DERA: variants seen among roughly 807,000 people sequenced by gnomAD.
The protein encoded by DERA is deoxyribose-phosphate aldolase.
In DERA, 15 loss-of-function variants were observed where a neutral mutation model predicts 41.1. The observed-to-expected ratio is 0.37, with a 90% CI of 0.24 to 0.56. The LOEUF is 0.56. Among genes scored for constraint, DERA ranks in the 20% least tolerant of loss-of-function variants. The pLI, the probability that DERA is intolerant of heterozygous loss-of-function variation, is 0.81. For synonymous variants in DERA, 139 were observed against 137.4 expected (o/e 1.01, Z -0.08); for missense variants, 396 against 403.4 (o/e 0.98, Z 0.16).
Position 15,967,425 on chromosome 12 carries a change from C to G in DERA, c.508+4478C>G, listed in dbSNP as rs2136152791. On this transcript the variant is annotated intron_variant, in intron 5 of 8. Transcript: ENST00000428559. This position sits in a 1 kb window ranked among gnomAD's most constrained non-coding sequence, Gnocchi z 4.9. ...CAAGAGAGTGAGACCCTGTCTCAAA[C>G]AAACAAACAAACAAACAAAAACTAT... is the stretch of plus-strand genomic sequence containing the variant. 6.6e-6 allele frequency among the ~76,000 whole-genome samples: 1 copy of G among 151,924 alleles called. No homozygotes were observed. The highest frequency in any genetic ancestry group is 2.4e-5 in the African/African-American group (1 of 41,290).
rs1336014989 is a variant in DERA at position 15,965,214 on chromosome 12, T to G, written c.508+2267T>G. Among the ~76,000 whole-genome samples, 2 of 152,172 alleles carry G rather than the reference T, an allele frequency of 1.3e-5. No homozygotes were observed. The highest frequency in any genetic ancestry group is 2.9e-5 in the Non-Finnish European group (2 of 68,032). The stretch of plus-strand genomic sequence containing the variant: ...GTGGATGGAAATGTCTATCAAGCAA[T>G]TGCAGTTTTAAATCCAGGGCCCTCT... On this transcript the variant is annotated intron_variant, in intron 5 of 8. Coordinates refer to ENST00000428559, the MANE Select transcript of DERA (RefSeq NM_015954.4). The surrounding 1 kb of genome is among the most constrained non-coding windows in gnomAD (Gnocchi z 4.1).
chr12:15,959,801 G>C lies in DERA; in HGVS notation c.278-28G>C, dbSNP rs1258250464. ...TTGTATGAGTTGAACTTCATTGAAA[G>C]TTGGCTATTCCTATTTTTTCTTGAT... On this transcript the variant is annotated intron_variant, in intron 3 of 8. Coordinates refer to ENST00000428559, the MANE Select transcript of DERA (RefSeq NM_015954.4). This position sits in a 1 kb window ranked among gnomAD's most constrained non-coding sequence, Gnocchi z 4.5. 6.7e-7 allele frequency: 1 copy of C among 1,484,578 alleles called. No homozygotes were observed. The highest frequency in any genetic ancestry group is 2.5e-5 in the East Asian group (1 of 40,296). The allele number at this position is 1,484,578 out of a possible 1,614,324, so 92.0% of individuals were successfully genotyped here.
In DERA at chr12:15,959,223, G is replaced by T. The variant is rs1024073054; in HGVS notation, c.278-606G>T. ...CCATAAAAATATCACCTTATTTATT[G>T]CACTTAAAGGTAACAACTTGATGTA... On this transcript the variant is annotated intron_variant, in intron 3 of 8. Coordinates refer to ENST00000428559, the MANE Select transcript of DERA (RefSeq NM_015954.4). This position sits in a 1 kb window ranked among gnomAD's most constrained non-coding sequence, Gnocchi z 4.5. 8.6e-5 allele frequency among the ~76,000 whole-genome samples: 13 copies of T among 151,980 alleles called. No individual in the cohort carries two copies. Among genetic ancestry groups the T allele is most frequent in the African/African-American group, 3.1e-4 (13 of 41,350 alleles).
At chr12:15,923,132 C>T (rs1357074517) in intron 1 of DERA, among the ~76,000 whole-genome samples, 2 of 147,728 alleles carry the variant, frequency 1.4e-5, no homozygotes, top group Non-Finnish European at 3.0e-5. Context: ...ACGCCATTCT[C>T]CTGCCTCAGC....
chr12:15,912,256 A>T (rs1948169948), intron 1 of DERA, among the ~76,000 whole-genome samples: 2 of 152,066 alleles, frequency 1.3e-5, no homozygotes, highest in African/African-American at 4.8e-5. Flanking sequence ...CTGTTTAACA[A>T]AGCACATCTT....
At chr12:16,007,863 T>C (rs1353425778) in intron 6 of DERA, among the ~76,000 whole-genome samples, 1 of 152,164 alleles carries the variant, frequency 6.6e-6, no homozygotes, top group Admixed American at 6.5e-5. Flanking sequence ...TGTTTTGTTT[T>C]GTTTTGTGAC....
rs576459932 is a variant in DERA, at chr12:15,994,516, C to T, written c.637+12080C>T. Among the ~76,000 whole-genome samples, 9 of 152,284 alleles carry T rather than the reference C, an allele frequency of 5.9e-5. No individual in the cohort carries two copies. Among genetic ancestry groups the T allele is most frequent in the South Asian group, 2.1e-4 (1 of 4,822 alleles). On this transcript the variant is annotated intron_variant, in intron 6 of 8. Coordinates refer to ENST00000428559, the MANE Select transcript of DERA (RefSeq NM_015954.4). The surrounding 1 kb of genome is among the most constrained non-coding windows in gnomAD (Gnocchi z 4.8). Reference sequence around the variant, plus strand: ...TCGCCCAGGCTGGAGTGCAGTGGCGCGATCTCTGCTCACTGCAAGCTCTGC... The same window carrying T: ...TCGCCCAGGCTGGAGTGCAGTGGCGTGATCTCTGCTCACTGCAAGCTCTGC...
In DERA at chr12:15,988,794, C is replaced by T. The variant is rs959250365; in HGVS notation, c.637+6358C>T. ...ACCACCATCATCATGTTGTCCACGG[C>T]ACCCAGGCTATTCACACTGAGGGGC... On this transcript the variant is annotated intron_variant, in intron 6 of 8. Coordinates refer to ENST00000428559, the MANE Select transcript of DERA (RefSeq NM_015954.4). The surrounding 1 kb of genome is among the most constrained non-coding windows in gnomAD (Gnocchi z 6.0). Among the ~76,000 whole-genome samples the T allele has an allele frequency of 1.3e-5, 2 of 152,194 alleles. No homozygotes were observed. The highest frequency in any genetic ancestry group is 2.9e-5 in the Non-Finnish European group (2 of 68,032).
chr12:15,952,712 G>C (rs767644725), intron 1 of DERA, among the ~76,000 whole-genome samples: 1 of 152,118 alleles, frequency 6.6e-6, no homozygotes, highest in Non-Finnish European at 1.5e-5. Flanking sequence ...AGCACATTTC[G>C]ATTTGGACTA....
intron 1 of DERA, among the ~76,000 whole-genome samples, chr12:15,917,433 T>C (rs1042392420): frequency 2.6e-5 from 4 of 152,224 alleles, no homozygotes. Context: ...TTTTTCTCTT[T>C]AATATTTAAT....
intron 5 of DERA, among the ~76,000 whole-genome samples, chr12:15,971,097 C>T (rs1948656446): frequency 6.6e-6 from 1 of 152,204 alleles, no homozygotes. Context: ...TGTGACAATT[C>T]TCCAGAGACT....
intron 6 of DERA, among the ~76,000 whole-genome samples, chr12:16,007,094 T>C (rs1002453240): frequency 1.3e-5 from 2 of 152,052 alleles, no homozygotes; most frequent in Non-Finnish European, 2.9e-5. Context: ...TTTATACAAA[T>C]AGGCAATTGC....
rs12306967 is a variant in DERA at position 15,912,667 on chromosome 12, A to G, written c.31+1253A>G. 2.2e-3 allele frequency among the ~76,000 whole-genome samples: 328 copies of G among 152,306 alleles called. 1 individual carries two copies. The highest frequency in any genetic ancestry group is 7.5e-3 in the African/African-American group (310 of 41,556). On this transcript the variant is annotated intron_variant, in intron 1 of 8. Transcript: ENST00000428559. The stretch of plus-strand genomic sequence containing the variant: ...TGGACACCTAGTAAGTCTTCAGTAT[A>G]GATAGTATTAGTATATGGAGTTATG...
intron 1 of DERA, among the ~76,000 whole-genome samples, chr12:15,948,806 T>C (rs1384881250): frequency 6.6e-6 from 1 of 152,228 alleles, no homozygotes; most frequent in Non-Finnish European, 1.5e-5. Flanking sequence ...TTTTCTGCTC[T>C]GTTTTTCCCC....
At position 15,959,245 on chromosome 12, in the gene DERA, T is replaced by G. The variant is rs558233658; in HGVS notation, c.278-584T>G. 6.6e-6 allele frequency among the ~76,000 whole-genome samples: 1 copy of G among 152,352 alleles called. No individual in the cohort carries two copies. Among genetic ancestry groups the G allele is most frequent in the East Asian group, 1.9e-4 (1 of 5,194 alleles). On this transcript the variant is annotated intron_variant, in intron 3 of 8. Transcript: ENST00000428559. The surrounding 1 kb of genome is among the most constrained non-coding windows in gnomAD (Gnocchi z 4.5). ...ATTGCACTTAAAGGTAACAACTTGA[T>G]GTAAGGTCTTATGATATTGCTTTGT...
Position 15,989,579 on chromosome 12 carries a change from A to G in DERA, c.637+7143A>G, listed in dbSNP as rs1445338948. Among the ~76,000 whole-genome samples the G allele has an allele frequency of 6.6e-6, 1 of 152,016 alleles. No individual in the cohort carries two copies. Among genetic ancestry groups the G allele is most frequent in the Non-Finnish European group, 1.5e-5 (1 of 68,000 alleles). ...TGAGCTTTTAATTTTTTAGTGCCTGAGTTTTATTGTTATTTATAGCAGGAG... is the reference window on the plus strand; with the variant it reads ...TGAGCTTTTAATTTTTTAGTGCCTGGGTTTTATTGTTATTTATAGCAGGAG... On this transcript the variant is annotated intron_variant, in intron 6 of 8. Transcript: ENST00000428559. The surrounding 1 kb of genome is among the most constrained non-coding windows in gnomAD (Gnocchi z 5.2).
At position 15,985,170 on chromosome 12, in the gene DERA, T is replaced by C. The variant is rs1948756256; in HGVS notation, c.637+2734T>C. On this transcript the variant is annotated intron_variant, in intron 6 of 8. Transcript: ENST00000428559. This position sits in a 1 kb window ranked among gnomAD's most constrained non-coding sequence, Gnocchi z 4.2. ...CACTCAGCTCACCTGCTGTCCCCGC[T>C]GCAACCACTTTTCTACTTTTATCAC... 6.6e-6 allele frequency: 1 copy of C among 152,338 alleles called. No individual in the cohort carries two copies. The highest frequency in any genetic ancestry group is 2.4e-5 in the African/African-American group (1 of 41,460). 9.4% of individuals were successfully genotyped at this position (152,338 alleles called of 1,614,324 possible).
rs558885901 is a variant in DERA at position 15,936,953 on chromosome 12, G to A, written c.32-19983G>A. ...GTCCTGTCTTGTCCTGTCCCGTCCT[G>A]TCCTGCCCTGCCCTGCCCTGTCTTG... On this transcript the variant is annotated intron_variant, in intron 1 of 8. Transcript: ENST00000428559. This position sits in a 1 kb window ranked among gnomAD's most constrained non-coding sequence, Gnocchi z 4.6. Among the ~76,000 whole-genome samples, 1,252 of 147,880 alleles carry A rather than the reference G, an allele frequency of 8.5e-3. 28 individuals are homozygous for A. The highest frequency in any genetic ancestry group is 0.031 in the African/African-American group (1,181 of 38,024).
rs1948853505 is a variant in DERA, at chr12:15,998,408, T to G, written c.637+15972T>G. 6.6e-6 allele frequency among the ~76,000 whole-genome samples: 1 copy of G among 152,004 alleles called. No homozygotes were observed. Among genetic ancestry groups the G allele is most frequent in the African/African-American group, 2.4e-5 (1 of 41,386 alleles). On this transcript the variant is annotated intron_variant, in intron 6 of 8. Transcript: ENST00000428559. This position sits in a 1 kb window ranked among gnomAD's most constrained non-coding sequence, Gnocchi z 4.8. Reference sequence around the variant, plus strand: ...TCTTGGCTCACGGCAACCTCCGCCTTCCGGGTTCAAGCAGTTCTCCCGCCT... The same window carrying G: ...TCTTGGCTCACGGCAACCTCCGCCTGCCGGGTTCAAGCAGTTCTCCCGCCT...
Sources: gnomAD v4.1 joint callset for allele counts (sites outside exome capture counted in the v4.1 genomes callset) on GRCh38, gnomAD v4.1.1 for gene constraint, Gnocchi (gnomAD v3.1) non-coding constraint, MANE v1.5 for transcripts, NCBI Gene and HGNC (gene_info 2026-07-23, HGNC 2026-07-21) for gene names.